Variants in RPGRIP1L observed in about 807,000 individuals in gnomAD.
The protein encoded by RPGRIP1L is RPGRIP1 like.
In RPGRIP1L, 131 loss-of-function variants were observed where a neutral mutation model predicts 160.4. The observed-to-expected ratio is 0.82, with a 90% confidence interval of 0.71 to 0.94. The LOEUF (loss-of-function observed/expected upper bound fraction) is 0.94, where lower values mean the gene tolerates loss of function less well. RPGRIP1L is among the 40% of genes least tolerant of loss of function. The pLI is 0.00. For synonymous variants in RPGRIP1L, 510 were observed against 515.8 expected (o/e 0.99, Z 0.15); for missense variants, 1,522 against 1,535.8 (o/e 0.99, Z 0.15).
intron 9 of RPGRIP1L, among the ~76,000 whole-genome samples, chr16:53,666,566 A>G (rs890644668): frequency 2.4e-4 from 33 of 136,800 alleles, no homozygotes; most frequent in East Asian, 1.9e-3. Flanking sequence ...GAGTACATCT[A>G]TGTGTGTGTG....
intron 15 of RPGRIP1L, among the ~76,000 whole-genome samples, chr16:53,651,959 AAATT>A (rs1259506127): frequency 1.1e-4 from 17 of 152,092 alleles, no homozygotes; most frequent in South Asian, 4.1e-4. Flanking sequence ...TTCAATACAT[AAATT>A]AATTTATTTA....
chr16:53,619,360 T>C (rs1172671048), intron 23 of RPGRIP1L, 152 bp from the exon 24 acceptor site: 1 of 686,104 alleles, frequency 1.5e-6, no homozygotes. Context: ...ATGTTACACA[T>C]GATAGATTAT....
chr16:53,651,316 T>C (rs771672479), intron 15 of RPGRIP1L, among the ~76,000 whole-genome samples: 6 of 152,186 alleles, frequency 3.9e-5, no homozygotes, highest in Non-Finnish European at 5.9e-5. Context: ...CCACTTTCAT[T>C]ACCATCTTAA....
rs1160307374 is a variant in RPGRIP1L at position 53,599,578 on chromosome 16, G to A, written c.*2498C>T. On this transcript the variant is annotated 3_prime_UTR_variant, in exon 27 of 27. Coordinates refer to ENST00000647211, the MANE Select transcript of RPGRIP1L (RefSeq NM_015272.5). Reference sequence around the variant, plus strand: ...GCGTGCACTGGTCTAGTTACACCAAGAAGTGTATGTTCACACCAGCAACAC... The same window carrying A: ...GCGTGCACTGGTCTAGTTACACCAAAAAGTGTATGTTCACACCAGCAACAC... The A allele has an allele frequency of 6.6e-6, 1 of 152,212 alleles. No homozygotes were observed. The allele number at this position is 152,212 out of a possible 1,614,324, so 9.4% of individuals were successfully genotyped here.
chr16:53,609,288 G>A (rs1173109824), intron 25 of RPGRIP1L, among the ~76,000 whole-genome samples: 1 of 152,022 alleles, frequency 6.6e-6, no homozygotes, highest in Non-Finnish European at 1.5e-5. Flanking sequence ...TAGAGATGGG[G>A]AGTCTCACTA....
intron 6 of RPGRIP1L, among the ~76,000 whole-genome samples, chr16:53,676,198 T>C (rs1425625082): frequency 1.3e-5 from 2 of 152,182 alleles, no homozygotes; most frequent in Non-Finnish European, 2.9e-5. Context: ...CATTGTATTT[T>C]GGCATTGGAC....
intron 24 of RPGRIP1L, among the ~76,000 whole-genome samples, chr16:53,611,930 A>G (rs1004600303): frequency 6.6e-6 from 1 of 152,194 alleles, no homozygotes; most frequent in Non-Finnish European, 1.5e-5. Flanking sequence ...TCCTGGCCAA[A>G]AGCATGCAAT....
intron 9 of RPGRIP1L, among the ~76,000 whole-genome samples, chr16:53,670,375 A>G (rs997037544): frequency 6.6e-6 from 1 of 152,198 alleles, no homozygotes; most frequent in East Asian, 1.9e-4. Flanking sequence ...TAGCTGTTGA[A>G]TATCAGCTAT....
chr16:53,636,986 ACT>A (rs1491022139), intron 21 of RPGRIP1L, among the ~76,000 whole-genome samples: 178 of 128,758 alleles, frequency 1.4e-3, no homozygotes, highest in African/African-American at 4.9e-3. Flanking sequence ...ACACACACAC[ACT>A]CTTTAATTAC....
intron 6 of RPGRIP1L, 101 bp downstream of exon 6, chr16:53,686,332 A>C: frequency 7.9e-7 from 1 of 1,265,400 alleles, no homozygotes; most frequent in South Asian, 1.3e-5. Context: ...TAAAAACATG[A>C]TTTTTAAATA....
At chr16:53,674,562 A>G (rs951814452) in intron 7 of RPGRIP1L, among the ~76,000 whole-genome samples, 3 of 152,170 alleles carry the variant, frequency 2.0e-5, no homozygotes, top group African/African-American at 4.8e-5. Context: ...CAAAAAAGAA[A>G]AAAAAATTCA....
intron 22 of RPGRIP1L, among the ~76,000 whole-genome samples, chr16:53,631,906 T>C (rs952527539): frequency 2.0e-5 from 3 of 152,180 alleles, no homozygotes; most frequent in Non-Finnish European, 4.4e-5. Context: ...TGTTAATGAC[T>C]TGATTTAATC....
In RPGRIP1L at chr16:53,637,767, C is replaced by T. The variant is rs752562921; in HGVS notation, c.3148G>A (p.Gly1050Ser). ...GKDDVSLLSE[G>S]QLAEQSLASS... ...GCCAAGCTTTGTTCTGCAAGCTGAC[C>T]TTCAGATAGTAAAGACACATCATCT... Residue 1050 changes from glycine to serine, a missense_variant, in exon 21 of 27, where the codon GGT (glycine) becomes AGT (serine). Gly to Ser is a moderately conservative substitution (Grantham distance 56). Coordinates refer to ENST00000647211, the MANE Select transcript of RPGRIP1L (RefSeq NM_015272.5). The T allele has an allele frequency of 1.2e-6, 2 of 1,613,026 alleles. No individual in the cohort carries two copies. The highest frequency in any genetic ancestry group is 1.7e-6 in the Non-Finnish European group (2 of 1,179,762).
chr16:53,662,177 A>C (rs1302993356), intron 10 of RPGRIP1L, among the ~76,000 whole-genome samples: 1 of 152,158 alleles, frequency 6.6e-6, no homozygotes, highest in Non-Finnish European at 1.5e-5. Flanking sequence ...ACCATTAATA[A>C]GCAGACTGCA....
chr16:53,662,601 A>C (rs1457797523), intron 10 of RPGRIP1L, among the ~76,000 whole-genome samples: 1 of 152,110 alleles, frequency 6.6e-6, no homozygotes, highest in Non-Finnish European at 1.5e-5. Context: ...CTTTCTAAAT[A>C]TTAAAAGATT....
At chr16:53,629,089 A>G (rs1396109463) in intron 22 of RPGRIP1L, among the ~76,000 whole-genome samples, 1 of 152,126 alleles carries the variant, frequency 6.6e-6, no homozygotes, top group Non-Finnish European at 1.5e-5. Flanking sequence ...CCTCAATTTC[A>G]GGTGATTTTG....
intron 24 of RPGRIP1L, among the ~76,000 whole-genome samples, chr16:53,618,675 C>T (rs904166590): frequency 1.3e-5 from 2 of 152,174 alleles, no homozygotes; most frequent in Non-Finnish European, 2.9e-5. Flanking sequence ...TCCTGAGTAG[C>T]TGGGACTACA....
chr16:53,684,648 C>T (rs562992368), intron 6 of RPGRIP1L, among the ~76,000 whole-genome samples: 60 of 151,542 alleles, frequency 4.0e-4, no homozygotes, highest in Admixed American at 1.6e-3. Flanking sequence ...TGCTAAATGA[C>T]GAGTTAATGG....
intron 24 of RPGRIP1L, among the ~76,000 whole-genome samples, chr16:53,616,025 C>T (rs1964357958): frequency 6.6e-6 from 1 of 152,118 alleles, no homozygotes; most frequent in Non-Finnish European, 1.5e-5. Flanking sequence ...CTAATTTGGG[C>T]CTGAACATAC....
Sources: gnomAD v4.1 joint callset for allele counts (sites outside exome capture counted in the v4.1 genomes callset) on GRCh38, gnomAD v4.1.1 for gene constraint, MANE v1.5 for transcripts, NCBI Gene and HGNC (gene_info 2026-07-23, HGNC 2026-07-21) for gene names.